The following CHST9 variants were observed in gnomAD, a reference collection of about 807,000 sequenced individuals.
CHST9 encodes the protein carbohydrate sulfotransferase 9, also known as GalNAc-4-sulfotransferase 2.
In CHST9, 41 loss-of-function variants were observed where a neutral mutation model predicts 44.4. The observed-to-expected ratio is 0.92, with a 90% CI of 0.72 to 1.20. CHST9 has a LOEUF of 1.20. Among genes scored for constraint, CHST9 ranks in the 50% most tolerant of loss-of-function variants. CHST9 has a pLI of 0.00. For missense variants in CHST9, 504 were observed against 516.5 expected (o/e 0.98, Z 0.23); for synonymous variants, 171 against 178.4 (o/e 0.96, Z 0.33).
intron 5 of CHST9, among the ~76,000 whole-genome samples, chr18:26,925,142 ATT>A (rs372570432): frequency 6.6e-6 from 1 of 152,122 alleles, no homozygotes; most frequent in Non-Finnish European, 1.5e-5. Context: ...ACAAAAAAAA[ATT>A]TGGCACAGGA....
intron 4 of CHST9, among the ~76,000 whole-genome samples, chr18:26,958,230 G>A (rs1341029239): frequency 6.6e-6 from 1 of 151,900 alleles, no homozygotes; most frequent in East Asian, 1.9e-4. Flanking sequence ...TATGATATTT[G>A]GCAAATTACT....
intron 4 of CHST9, among the ~76,000 whole-genome samples, chr18:26,962,880 G>C (rs1269735108): frequency 6.6e-6 from 1 of 152,198 alleles, no homozygotes; most frequent in Non-Finnish European, 1.5e-5. Context: ...GTGTGTTTAT[G>C]AGTCAGGTGG....
rs1208856677 is a variant in CHST9, at chr18:26,969,376, C to CTGTG, written c.203-25014_203-25011dup. On this transcript the variant is annotated intron_variant, in intron 4 of 5. Coordinates refer to ENST00000618847, the MANE Select transcript of CHST9 (RefSeq NM_031422.6). ...CTTTTTTGATTCTCTCTCTCTCTCT[C>CTGTG]TGTGTGTGTGTGTGTGTGTGTGTGT... Among the ~76,000 whole-genome samples the CTGTG allele has an allele frequency of 4.1e-4, 39 of 95,694 alleles. No individual in the cohort carries two copies. The South Asian group carries it at 4.8e-3, about 12-fold the overall frequency. 62.8% of individuals were successfully genotyped at this position (95,694 alleles called of 152,430 possible).
chr18:27,035,035 G>A (rs1180572703), intron 3 of CHST9, among the ~76,000 whole-genome samples: 2 of 152,168 alleles, frequency 1.3e-5, no homozygotes, highest in Non-Finnish European at 2.9e-5. Context: ...TGGGATGGCT[G>A]GATGATAAAG....
At chr18:27,107,357 G>A (rs1003134994) in intron 2 of CHST9, among the ~76,000 whole-genome samples, 2 of 152,256 alleles carry the variant, frequency 1.3e-5, no homozygotes, top group Non-Finnish European at 2.9e-5. Context: ...CCCTGGCTTT[G>A]GTCGCCTGTT....
At chr18:26,975,725 G>GTGTATATATATA (rs1383045273) in intron 4 of CHST9, among the ~76,000 whole-genome samples, 20 of 101,834 alleles carry the variant, frequency 2.0e-4, no homozygotes, top group South Asian at 4.3e-4. Context: ...GTGTGTGTGT[G>GTGTATATATATA]TATATATATA....
chr18:27,044,828 AT>A (rs56972646), intron 3 of CHST9, among the ~76,000 whole-genome samples: 10,195 of 152,090 alleles, frequency 0.067, 435 homozygotes, highest in South Asian at 0.13. Context: ...CAGATGGAAG[AT>A]TTTATTCAGT....
intron 5 of CHST9, among the ~76,000 whole-genome samples, chr18:26,937,269 G>A (rs113180085): frequency 8.7e-4 from 132 of 151,694 alleles, no homozygotes; most frequent in African/African-American, 2.4e-3. Flanking sequence ...GTAATTTACC[G>A]CTCAACAGGG....
chr18:27,035,466 A>G (rs1166569229), intron 3 of CHST9, among the ~76,000 whole-genome samples: 1 of 152,178 alleles, frequency 6.6e-6, no homozygotes, highest in Non-Finnish European at 1.5e-5. Flanking sequence ...ATAAATGGAT[A>G]AAGAAAATGT....
intron 1 of CHST9, among the ~76,000 whole-genome samples, chr18:27,156,655 GA>G (rs931748871): frequency 1.1e-4 from 17 of 152,068 alleles, no homozygotes; most frequent in Non-Finnish European, 1.5e-4. Flanking sequence ...CAGCATTTAA[GA>G]GGCAATGGGC....
intron 3 of CHST9, among the ~76,000 whole-genome samples, chr18:27,038,328 T>C (rs1021910769): frequency 6.6e-6 from 1 of 152,078 alleles, no homozygotes; most frequent in Non-Finnish European, 1.5e-5. Flanking sequence ...GGCAGATCAC[T>C]TGAAGTCAGG....
At chr18:27,116,894 A>G (rs2058326091) in intron 2 of CHST9, among the ~76,000 whole-genome samples, 1 of 152,230 alleles carries the variant, frequency 6.6e-6, no homozygotes, top group South Asian at 2.1e-4. Context: ...TCCACTTCAA[A>G]TTGTTCATTA....
intron 1 of CHST9, among the ~76,000 whole-genome samples, chr18:27,155,250 T>A (rs2058690508): frequency 6.6e-6 from 1 of 152,184 alleles, no homozygotes; most frequent in Non-Finnish European, 1.5e-5. Context: ...AATATTAAGA[T>A]GTTAGTATCT....
intron 4 of CHST9, among the ~76,000 whole-genome samples, chr18:26,983,932 C>T (rs2056723723): frequency 1.3e-5 from 2 of 152,156 alleles, no homozygotes; most frequent in Admixed American, 1.3e-4. Context: ...ATACAAAAGA[C>T]ACTATTCAAG....
chr18:27,182,292 T>G (rs1011100544), intron 1 of CHST9, among the ~76,000 whole-genome samples: 1 of 149,968 alleles, frequency 6.7e-6, no homozygotes, highest in Non-Finnish European at 1.5e-5. Flanking sequence ...ACTTTCAAAA[T>G]TATCTGTAGT....
At chr18:27,139,186 T>G (rs2058542875) in intron 2 of CHST9, among the ~76,000 whole-genome samples, 1 of 152,112 alleles carries the variant, frequency 6.6e-6, no homozygotes, top group Non-Finnish European at 1.5e-5. Context: ...ATAGTCCATA[T>G]CTTAGATTTG....
Position 27,122,719 on chromosome 18 carries a change from T to C in CHST9, c.121+19970A>G, listed in dbSNP as rs190054774. On this transcript the variant is annotated intron_variant, in intron 2 of 5. Coordinates refer to ENST00000618847, the MANE Select transcript of CHST9 (RefSeq NM_031422.6). ...TGATGCATGTGGAAGCAAAAGAGTATAGGAAAACATCAGTTTTTATTGAAC... is the reference window on the plus strand; with the variant it reads ...TGATGCATGTGGAAGCAAAAGAGTACAGGAAAACATCAGTTTTTATTGAAC... 1.6e-3 allele frequency among the ~76,000 whole-genome samples: 244 copies of C among 152,252 alleles called. 1 individual carries two copies. Among genetic ancestry groups the C allele is most frequent in the Non-Finnish European group, 2.0e-3 (139 of 68,012 alleles).
intron 5 of CHST9, among the ~76,000 whole-genome samples, chr18:26,928,805 C>A (rs1052596944): frequency 6.6e-6 from 1 of 152,018 alleles, no homozygotes; most frequent in Non-Finnish European, 1.5e-5. Context: ...GCTCTACAGG[C>A]GGGCAGGGTG....
At chr18:26,944,503 G>A in intron 4 of CHST9, 137 bp from the exon 5 acceptor site, 2 of 640,866 alleles carry the variant, frequency 3.1e-6, no homozygotes, top group Non-Finnish European at 5.5e-6. Context: ...ATCACAATGT[G>A]GATGTTTACA....
Sources: allele counts gnomAD v4.1 joint callset (sites outside exome capture counted in the v4.1 genomes callset), GRCh38; gene constraint gnomAD v4.1.1; transcripts MANE v1.5; gene names NCBI Gene and HGNC (gene_info 2026-07-23, HGNC 2026-07-21).